LIMD1: variants seen among roughly 807,000 people sequenced by gnomAD.
LIMD1 encodes LIM domain-containing protein 1.
In LIMD1, 23 loss-of-function variants were observed where a neutral mutation model predicts 58.4. The observed-to-expected ratio is 0.39, with a 90% CI of 0.28 to 0.56. The LOEUF (loss-of-function observed/expected upper bound fraction) is 0.56. Among genes scored for constraint, LIMD1 ranks in the 20% least tolerant of loss-of-function variants. The pLI is 0.57. For synonymous variants in LIMD1, 334 were observed against 345.5 expected, an observed-to-expected ratio of 0.97 and a Z score of 0.37; for missense variants, 838 against 855.5, an observed-to-expected ratio of 0.98 and a Z score of 0.25.
chr3:45,631,711 G>A (rs1438454592), intron 1 of LIMD1, among the ~76,000 whole-genome samples: 7 of 152,106 alleles, frequency 4.6e-5, no homozygotes, highest in South Asian at 2.1e-4. Context: ...AAGCCCTGCC[G>A]TTGAGAGATA....
chr3:45,671,809 G>A (rs916017272), intron 4 of LIMD1, among the ~76,000 whole-genome samples: 5 of 152,146 alleles, frequency 3.3e-5, no homozygotes, highest in African/African-American at 9.7e-5. Flanking sequence ...CACACATTTC[G>A]AGGACCACTG....
At chr3:45,653,016 AC>A (rs1247298397) in intron 2 of LIMD1, among the ~76,000 whole-genome samples, 1 of 152,214 alleles carries the variant, frequency 6.6e-6, no homozygotes, top group Non-Finnish European at 1.5e-5. Context: ...AGAGATGAGA[AC>A]GTTTAGAGAC....
intron 3 of LIMD1, among the ~76,000 whole-genome samples, chr3:45,665,954 T>C (rs995225081): frequency 6.6e-6 from 1 of 152,220 alleles, no homozygotes; most frequent in Admixed American, 6.5e-5. Context: ...CTTTCTGCAG[T>C]TCTGCCTCTT....
At chr3:45,614,102 G>A (rs1231563523) in intron 1 of LIMD1, among the ~76,000 whole-genome samples, 1 of 152,040 alleles carries the variant, frequency 6.6e-6, no homozygotes, top group African/African-American at 2.4e-5. Context: ...ATCTTCACAA[G>A]ATATTTTATT....
At chr3:45,668,186 A>T (rs1353964555) in intron 3 of LIMD1, 108 bp from the exon 4 acceptor site, 2 of 808,064 alleles carry the variant, frequency 2.5e-6, no homozygotes, top group African/African-American at 1.7e-5. Context: ...TTCTGCACAG[A>T]GTGACACATC....
At chr3:45,617,346 CAAG>C (rs1701585783) in intron 1 of LIMD1, among the ~76,000 whole-genome samples, 1 of 152,112 alleles carries the variant, frequency 6.6e-6, no homozygotes, top group South Asian at 2.1e-4. Context: ...TGCACCAGTC[CAAG>C]ATAGTCTTAA....
At chr3:45,652,462 G>A (rs1410321993) in intron 2 of LIMD1, among the ~76,000 whole-genome samples, 1 of 152,150 alleles carries the variant, frequency 6.6e-6, no homozygotes, top group Non-Finnish European at 1.5e-5. Flanking sequence ...TTGCATGCCT[G>A]GGAATATTTG....
At chr3:45,658,919 C>T (rs1697388809) in intron 2 of LIMD1, among the ~76,000 whole-genome samples, 2 of 152,122 alleles carry the variant, frequency 1.3e-5, no homozygotes, top group Non-Finnish European at 2.9e-5. Context: ...ATTTCCTTTC[C>T]AGTCTTTTTT....
intron 1 of LIMD1, 25 bp downstream of exon 1, chr3:45,596,312 C>CCTATAA: frequency 6.4e-7 from 1 of 1,552,520 alleles, no homozygotes. Context: ...GGTGGAGTTG[C>CCTATAA]CTATGGTGGG....
chr3:45,650,853 A>C (rs775713485), intron 2 of LIMD1, among the ~76,000 whole-genome samples: 3 of 151,938 alleles, frequency 2.0e-5, no homozygotes, highest in Non-Finnish European at 4.4e-5. Context: ...GTATATGCCC[A>C]GTAATGGGAT....
chr3:45,620,473 G>C (rs1159758565), intron 1 of LIMD1, among the ~76,000 whole-genome samples: 1 of 152,184 alleles, frequency 6.6e-6, no homozygotes, highest in Non-Finnish European at 1.5e-5. Flanking sequence ...AAAGACCACT[G>C]TAATAGTTGT....
intron 1 of LIMD1, among the ~76,000 whole-genome samples, chr3:45,605,032 G>T (rs1701454383): frequency 6.6e-6 from 1 of 152,260 alleles, no homozygotes; most frequent in African/African-American, 2.4e-5. Flanking sequence ...ACAGAACTGT[G>T]CAAGAAAGAC....
rs1366614983 is a variant in LIMD1 at position 45,685,461 on chromosome 3, G to C, written c.*8402G>C. 1.3e-5 allele frequency: 2 copies of C among 152,210 alleles called. No individual in the cohort carries two copies. The highest frequency in any genetic ancestry group is 2.9e-5 in the Non-Finnish European group (2 of 68,048). 9.4% of individuals were successfully genotyped at this position (152,210 alleles called of 1,614,324 possible). ...TTTTCCCCCTAAAGCCTATGAGACA[G>C]GCTGCAACTTAAACCCCTATTTTAT... On this transcript the variant is annotated 3_prime_UTR_variant, in exon 8 of 8. Transcript: ENST00000273317.
At chr3:45,655,315 A>C (rs114011434) in intron 2 of LIMD1, among the ~76,000 whole-genome samples, 6,024 of 152,298 alleles carry the variant, frequency 0.04, 127 homozygotes, top group African/African-American at 0.061. Flanking sequence ...TCTATTGAGT[A>C]TATATTTAGT....
At chr3:45,629,105 C>G (rs1381636594) in intron 1 of LIMD1, among the ~76,000 whole-genome samples, 1 of 151,962 alleles carries the variant, frequency 6.6e-6, no homozygotes, top group African/African-American at 2.4e-5. Flanking sequence ...GGTGATTTCA[C>G]AGGTGTATAG....
intron 2 of LIMD1, among the ~76,000 whole-genome samples, chr3:45,661,248 C>A (rs894680530): frequency 2.0e-5 from 3 of 152,170 alleles, no homozygotes; most frequent in African/African-American, 7.2e-5. Flanking sequence ...ATTTCTTACA[C>A]TCAAAGATAA....
chr3:45,660,888 GAA>G (rs1697428477), intron 2 of LIMD1, among the ~76,000 whole-genome samples: 1 of 152,120 alleles, frequency 6.6e-6, no homozygotes, highest in African/African-American at 2.4e-5. Flanking sequence ...TTTATAGAGA[GAA>G]AGTTTAAGTA....
intron 2 of LIMD1, among the ~76,000 whole-genome samples, chr3:45,641,693 G>A (rs1215814577): frequency 6.6e-6 from 1 of 152,132 alleles, no homozygotes; most frequent in Admixed American, 6.5e-5. Context: ...GATACAACAA[G>A]CCACTGTTAC....
chr3:45,630,731 G>A (rs1701720019), intron 1 of LIMD1, among the ~76,000 whole-genome samples: 1 of 152,080 alleles, frequency 6.6e-6, no homozygotes, highest in Non-Finnish European at 1.5e-5. Context: ...TGGGGGGCAT[G>A]TGTGGCAGGA....
Sources: allele counts gnomAD v4.1 joint callset (sites outside exome capture counted in the v4.1 genomes callset), GRCh38; gene constraint gnomAD v4.1.1; transcripts MANE v1.5; gene names NCBI Gene and HGNC (gene_info 2026-07-23, HGNC 2026-07-21).